DMD: variants seen among roughly 807,000 people sequenced by gnomAD.
The protein encoded by DMD is mutant dystrophin.
Under a neutral mutation model 330.1 loss-of-function variants are expected in DMD, and 63 were observed. The ratio of observed to expected loss-of-function variants is 0.19; its 90% confidence interval spans 0.16 to 0.24. The LOEUF (loss-of-function observed/expected upper bound fraction) is 0.24, where lower values mean the gene tolerates loss of function less well. DMD is among the 10% of genes least tolerant of loss of function. DMD has a pLI of 1.00. For synonymous variants in DMD, 1,223 were observed against 959.8 expected, an observed-to-expected ratio of 1.27 and a Z score of -5.07; for missense variants, 3,344 against 2,684.1, an observed-to-expected ratio of 1.25 and a Z score of -5.43.
chrX:32,734,895 G>C (rs369316384), intron 7 of DMD, among the ~76,000 whole-genome samples: 1 of 104,235 alleles, frequency 9.6e-6, no homozygotes, highest in Non-Finnish European at 1.9e-5. Context: ...ATTCAACATA[G>C]TGTTGGAAGT....
chrX:32,208,565 GGCAGGAAAAATAACA>G (rs1354221683), intron 44 of DMD, among the ~76,000 whole-genome samples: 3 of 111,469 alleles, frequency 2.7e-5, no homozygotes, highest in Non-Finnish European at 5.7e-5. Context: ...TCAATTAGGG[GGCAGGAAAAATAACA>G]GCTGGAAAAA....
chrX:32,389,449 T>A (rs2097985209), intron 32 of DMD, 52 bp downstream of exon 32: 1 of 1,140,157 alleles, frequency 8.8e-7, no homozygotes, highest in Non-Finnish European at 1.2e-6. Context: ...CAGTTACTTC[T>A]TAATGAGGAA....
chrX:32,502,392 A>G (rs951921795), intron 18 of DMD, among the ~76,000 whole-genome samples: 9 of 111,778 alleles, frequency 8.1e-5, no homozygotes, highest in African/African-American at 2.9e-4. Context: ...TCCTATTTCC[A>G]AGGAAGACAA....
intron 7 of DMD, among the ~76,000 whole-genome samples, chrX:32,781,327 G>C (rs1367083875): frequency 3.6e-5 from 4 of 110,780 alleles, no homozygotes; most frequent in Non-Finnish European, 5.7e-5. Context: ...TGAAGGTTAG[G>C]AATTTTACGT....
intron 4 of DMD, among the ~76,000 whole-genome samples, chrX:32,835,605 G>A (rs59227649): frequency 0.17 from 19,266 of 111,541 alleles, 3,984 homozygotes; most frequent in African/African-American, 0.59. Context: ...TTGGAACACA[G>A]ACGTAGTGTC....
intron 63 of DMD, among the ~76,000 whole-genome samples, chrX:31,245,861 C>T (rs1603197077): frequency 9.0e-6 from 1 of 111,063 alleles, no homozygotes; most frequent in Non-Finnish European, 1.9e-5. Flanking sequence ...TTCTGAGACA[C>T]AACAATATTA....
intron 4 of DMD, among the ~76,000 whole-genome samples, chrX:32,836,038 ATTT>A (rs201112620): frequency 1.9e-5 from 2 of 103,959 alleles, no homozygotes; most frequent in African/African-American, 7.1e-5. Context: ...TCAAAAAAAA[ATTT>A]TTTTTTTTGG....
intron 67 of DMD, among the ~76,000 whole-genome samples, chrX:31,187,515 A>C: frequency 8.9e-6 from 1 of 111,810 alleles, no homozygotes. Context: ...TACTCAACTA[A>C]AATCTCTGAG....
chrX:32,121,772 A>G (rs73456143), intron 44 of DMD, among the ~76,000 whole-genome samples: 4,953 of 103,181 alleles, frequency 0.048, 333 homozygotes, highest in African/African-American at 0.17. Flanking sequence ...CACACTCACT[A>G]TATGCCAAAA....
chrX:33,226,391 G>A (rs1379434644), intron 1 of DMD, among the ~76,000 whole-genome samples: 2 of 111,724 alleles, frequency 1.8e-5, no homozygotes, highest in Admixed American at 1.9e-4. Context: ...GCAGTACAAA[G>A]GAACACATTG....
At chrX:32,063,646 T>A (rs950529457) in intron 44 of DMD, among the ~76,000 whole-genome samples, 2 of 111,344 alleles carry the variant, frequency 1.8e-5, no homozygotes, top group African/African-American at 6.5e-5. Context: ...TATGAATAGT[T>A]TATTACTATG....
At chrX:32,179,303 C>T (rs188260150) in intron 44 of DMD, among the ~76,000 whole-genome samples, 27 of 111,267 alleles carry the variant, frequency 2.4e-4, no homozygotes, top group South Asian at 1.1e-3. Flanking sequence ...CCTTTAGTAA[C>T]GAAAACAAGA....
At chrX:32,643,253 G>T (rs1040956684) in intron 11 of DMD, among the ~76,000 whole-genome samples, 1 of 110,367 alleles carries the variant, frequency 9.1e-6, no homozygotes, top group African/African-American at 3.3e-5. Flanking sequence ...GCTTAAAAAT[G>T]TGTTTTTCCC....
chrX:32,925,647 A>G (rs948813101), intron 2 of DMD, among the ~76,000 whole-genome samples: 1 of 112,070 alleles, frequency 8.9e-6, no homozygotes, highest in African/African-American at 3.2e-5. Context: ...TTTGAGGGAA[A>G]TAGTATGTAA....
chrX:31,836,678 A>G, intron 49 of DMD, 40 bp downstream of exon 49: 1 of 1,052,606 alleles, frequency 9.5e-7, no homozygotes, highest in Non-Finnish European at 1.3e-6. Flanking sequence ...AGCATAACCC[A>G]TTATGAGGTA....
At chrX:33,070,671 CTCTATATATA>C (rs1385896588) in intron 1 of DMD, among the ~76,000 whole-genome samples, 126 of 43,974 alleles carry the variant, frequency 2.9e-3, no homozygotes, top group African/African-American at 3.6e-3. Context: ...CTCTCTCTCT[CTCTATATATA>C]TATATATATA....
intron 17 of DMD, among the ~76,000 whole-genome samples, chrX:32,518,776 A>G (rs1412154992): frequency 9.0e-6 from 1 of 110,814 alleles, no homozygotes; most frequent in Non-Finnish European, 1.9e-5. Context: ...GGCACCAGGC[A>G]TGCAAATAAA....
chrX:32,802,061 C>T (rs1170498980), intron 7 of DMD, among the ~76,000 whole-genome samples: 1 of 111,851 alleles, frequency 8.9e-6, no homozygotes, highest in Admixed American at 9.5e-5. Context: ...TGAATTGTAG[C>T]TTAATGAGGT....
In DMD at chrX:33,281,707, G is replaced by T. The variant is rs1356308060; in HGVS notation, c.7+57552C>A. On this transcript the variant is annotated intron_variant, in intron 1 of 17. Transcript: ENST00000288447. ...GATCTTATTTCAATCTTTTATTTTA[G>T]CAGGTATTTACCATACGTAGTTCAA... Among the ~76,000 whole-genome samples the T allele has an allele frequency of 4.6e-5, 5 of 109,761 alleles. No homozygotes were observed. In the Admixed American group the frequency reaches 4.9e-4, roughly 11 times the overall value.
Sources: allele counts gnomAD v4.1 joint callset (sites outside exome capture counted in the v4.1 genomes callset), GRCh38; gene constraint gnomAD v4.1.1; transcripts MANE v1.5; gene names NCBI Gene and HGNC (gene_info 2026-07-23, HGNC 2026-07-21).